Variants in ADGRG5 observed in about 807,000 individuals in gnomAD.
The protein encoded by ADGRG5 is adhesion G protein-coupled receptor G5, also known as G protein-coupled receptor 114.
A neutral mutation model predicts 53.2 loss-of-function variants in ADGRG5; 37 were observed. That is an observed-to-expected ratio of 0.70 (90% CI 0.53 to 0.91). The LOEUF (loss-of-function observed/expected upper bound fraction) is 0.91. ADGRG5 is among the 40% of genes least tolerant of loss of function. The pLI is 0.00. For missense variants in ADGRG5, 614 were observed against 675.8 expected, an observed-to-expected ratio of 0.91 and a Z score of 1.01; for synonymous variants, 277 against 290.4, an observed-to-expected ratio of 0.95 and a Z score of 0.47.
chr16:57,557,510 G>T (rs1466694895), intron 1 of ADGRG5, among the ~76,000 whole-genome samples: 1 of 151,706 alleles, frequency 6.6e-6, no homozygotes. Flanking sequence ...TATTAATTTT[G>T]GAAAAAAATT....
chr16:57,573,137 A>G (rs1300412755), intron 10 of ADGRG5, among the ~76,000 whole-genome samples: 4 of 152,108 alleles, frequency 2.6e-5, no homozygotes, highest in Admixed American at 6.5e-5. Context: ...GTCTTGAACC[A>G]AGAATTGGAC....
Position 57,567,388 on chromosome 16 carries a change from G to T in ADGRG5, c.700-82G>T, listed in dbSNP as rs1596792422. On this transcript the variant is annotated intron_variant, in intron 7 of 11. Transcript: ENST00000349457. ...GTGGGGAAGGGGACTTGGAGAGGAG[G>T]CCTCAGGAGGTCCCTCTGACTGAGG... The T allele has an allele frequency of 2.7e-6, 4 of 1,493,502 alleles. No homozygotes were observed. In the African/African-American group the frequency reaches 5.5e-5, roughly 21 times the overall value. 92.5% of individuals were successfully genotyped at this position (1,493,502 alleles called of 1,614,324 possible). A position where few individuals can be genotyped will look rare whatever the true frequency, so the allele number is the denominator to read the frequency against.
chr16:57,569,567 C>G (rs2033278798), intron 9 of ADGRG5, among the ~76,000 whole-genome samples: 1 of 151,598 alleles, frequency 6.6e-6, no homozygotes, highest in Non-Finnish European at 1.5e-5. Flanking sequence ...ATCACCTCCT[C>G]TACCTCCATC....
At chr16:57,575,358 C>T in intron 11 of ADGRG5, 80 bp from the exon 12 acceptor site, 2 of 1,358,854 alleles carry the variant, frequency 1.5e-6, no homozygotes, top group African/African-American at 1.4e-5. Context: ...CCCAGGGAGG[C>T]CAGCTCGCTG....
At chr16:57,540,744 A>G (rs562743123), upstream of ADGRG5, among the ~76,000 whole-genome samples, 17 of 152,078 alleles carry the variant, frequency 1.1e-4, no homozygotes, top group Non-Finnish European at 1.9e-4. Context: ...TGGAAGTTGG[A>G]CGGGGTTAGA....
At chr16:57,562,522 A>AC in intron 3 of ADGRG5, 63 bp downstream of exon 3, 4 of 1,091,148 alleles carry the variant, frequency 3.7e-6, no homozygotes, top group Non-Finnish European at 5.4e-6. Flanking sequence ...GGGTTAGTCT[A>AC]ATGTAGACTC....
chr16:57,574,249 GCT>G lies in ADGRG5; in HGVS notation c.1209-562_1209-561del. On this transcript the variant is annotated intron_variant, in intron 10 of 11. Coordinates refer to ENST00000349457, the MANE Select transcript of ADGRG5 (RefSeq NM_001304376.3). This position sits in a 1 kb window ranked among gnomAD's most constrained non-coding sequence, Gnocchi z 4.4. ...AGTGGGCTCTCCTGCGGCTCTGTGT[GCT>G]CTCAGGTTGACACTTGGAGGGTCCC... Among the ~76,000 whole-genome samples the G allele has an allele frequency of 6.6e-6, 1 of 152,338 alleles. No homozygotes were observed. Among genetic ancestry groups the G allele is most frequent in the South Asian group, 2.1e-4 (1 of 4,824 alleles).
intron 1 of ADGRG5, among the ~76,000 whole-genome samples, chr16:57,555,150 T>C (rs967915566): frequency 4.6e-5 from 7 of 152,196 alleles, no homozygotes; most frequent in Non-Finnish European, 1.5e-5. Flanking sequence ...TTTGCGTAAT[T>C]AGGAGAGTGT....
At chr16:57,567,638 C>G in intron 8 of ADGRG5, 47 bp downstream of exon 8, 3 of 1,594,492 alleles carry the variant, frequency 1.9e-6, no homozygotes, top group Non-Finnish European at 2.6e-6. Context: ...TGTGGCACAT[C>G]ACGCTTCCTT....
intron 10 of ADGRG5, among the ~76,000 whole-genome samples, chr16:57,571,709 G>A (rs1372809879): frequency 1.3e-5 from 2 of 148,216 alleles, no homozygotes; most frequent in Admixed American, 1.4e-4. Flanking sequence ...AGGCTGGAGT[G>A]CAATGGTGTG....
chr16:57,566,819 C>A, intron 7 of ADGRG5, 68 bp downstream of exon 7: 1 of 1,315,984 alleles, frequency 7.6e-7, no homozygotes, highest in Non-Finnish European at 9.9e-7. Flanking sequence ...AGGAGCAAGG[C>A]AAAAGCTGGT....
intron 1 of ADGRG5, among the ~76,000 whole-genome samples, chr16:57,549,255 T>C (rs2032693312): frequency 6.6e-6 from 1 of 152,232 alleles, no homozygotes; most frequent in Admixed American, 6.5e-5. Flanking sequence ...CCCTTGCAGA[T>C]GAGGCTCAGA....
intron 9 of ADGRG5, among the ~76,000 whole-genome samples, chr16:57,568,526 C>T (rs554239931): frequency 2.5e-4 from 38 of 150,890 alleles, no homozygotes; most frequent in Middle Eastern, 3.5e-3. Flanking sequence ...ACCTCCTCCA[C>T]GTACATCACC....
chr16:57,546,061 G>A (rs2032612462), intron 1 of ADGRG5, among the ~76,000 whole-genome samples: 1 of 152,058 alleles, frequency 6.6e-6, no homozygotes, highest in Admixed American at 6.6e-5. Flanking sequence ...CCTGACCTCA[G>A]GTGAGCCTCC....
At chr16:57,553,287 G>T (rs563818756) in intron 1 of ADGRG5, among the ~76,000 whole-genome samples, 1 of 152,124 alleles carries the variant, frequency 6.6e-6, no homozygotes, top group Non-Finnish European at 1.5e-5. Flanking sequence ...ATAAAGCCAG[G>T]TATACCTGTA....
chr16:57,533,494 C>A, the ADGRG5 span, among the ~76,000 whole-genome samples: 2,427 of 150,154 alleles, frequency 0.016, 32 homozygotes, highest in Middle Eastern at 0.051. Context: ...ACACACACCC[C>A]CAGGGACCCG....
chr16:57,536,313 G>T, the ADGRG5 span, among the ~76,000 whole-genome samples: 1 of 152,124 alleles, frequency 6.6e-6, no homozygotes, highest in African/African-American at 2.4e-5. Flanking sequence ...GGGGGCTGAG[G>T]GAGGCCGGGG....
intron 10 of ADGRG5, among the ~76,000 whole-genome samples, chr16:57,573,998 A>T (rs1359499531): frequency 6.6e-6 from 1 of 152,192 alleles, no homozygotes; most frequent in African/African-American, 2.4e-5. Context: ...CTGAGATTAC[A>T]GGCATGAGCC....
rs759890425 is a variant in ADGRG5 at position 57,567,937 on chromosome 16, C to T, written c.903C>T (p.Ser301=). 1.1e-5 allele frequency: 17 copies of T among 1,613,774 alleles called. No homozygotes were observed. In the South Asian group the frequency reaches 1.5e-4, roughly 15 times the overall value. ...VLLLNIAFLL[S]PAFAMSPVPG... is the part of the protein sequence containing the mutation. ...TCCTGAACATCGCCTTCCTGCTGAG[C>T]CCCGCATTCGCAATGTCTCCTGTGC... Residue 301 remains serine (S), a synonymous_variant, in exon 9 of 12, where the codon AGC becomes AGT. Transcript: ENST00000349457.
Sources: gnomAD v4.1 joint callset for allele counts (sites outside exome capture counted in the v4.1 genomes callset) on GRCh38, gnomAD v4.1.1 for gene constraint, Gnocchi (gnomAD v3.1) non-coding constraint, MANE v1.5 for transcripts, NCBI Gene and HGNC (gene_info 2026-07-23, HGNC 2026-07-21) for gene names.